MED19: variants seen among roughly 807,000 people sequenced by gnomAD.
MED19 encodes the protein mediator complex subunit 19, also known as mediator of RNA polymerase II transcription subunit 19.
Under a neutral mutation model 19.9 loss-of-function variants are expected in MED19, and 4 were observed. That is an observed-to-expected ratio of 0.20 (90% CI 0.10 to 0.46). The LOEUF is 0.46. MED19 is among the 20% of genes least tolerant of loss of function. The pLI, the probability that MED19 is intolerant of heterozygous loss-of-function variation, is 0.99. For synonymous variants in MED19, 139 were observed against 119.6 expected, an observed-to-expected ratio of 1.16 and a Z score of -1.06; for missense variants, 303 against 318.7, an observed-to-expected ratio of 0.95 and a Z score of 0.38.
intron 1 of MED19, among the ~76,000 whole-genome samples, chr11:57,711,214 G>C (rs1187687635): frequency 2.6e-5 from 4 of 151,952 alleles, no homozygotes; most frequent in African/African-American, 9.7e-5. Flanking sequence ...TCCCTTTTTT[G>C]ATCAGACCAG....
chr11:57,704,686 T>TC, intron 3 of MED19, 33 bp downstream of exon 3: 1 of 1,572,108 alleles, frequency 6.4e-7, no homozygotes, highest in Non-Finnish European at 8.6e-7. Flanking sequence ...TTTTTTTTTT[T>TC]TTTTTTTTGC....
intron 1 of MED19, among the ~76,000 whole-genome samples, chr11:57,709,510 G>A (rs554077527): frequency 6.6e-6 from 1 of 151,936 alleles, no homozygotes; most frequent in Admixed American, 6.6e-5. Context: ...TATTCAAGCC[G>A]AAAACTTAAA....
chr11:57,704,765 ATTC>A (rs759855539), exon 3 of MED19: 29 of 1,557,570 alleles, frequency 1.9e-5, no homozygotes, highest in African/African-American at 9.3e-5. Context: ...GCTTGTGCTT[ATTC>A]TTCTTCTTGG....
chr11:57,704,489 G>A, intron 3 of MED19, 93 bp from the exon 4 acceptor site: 1 of 1,562,654 alleles, frequency 6.4e-7, no homozygotes, highest in Non-Finnish European at 8.6e-7. Context: ...CCAAGTCGGG[G>A]CAACTGCTTT....
chr11:57,711,997 G>A, exon 1 of MED19: 2 of 1,513,972 alleles, frequency 1.3e-6, no homozygotes, highest in Non-Finnish European at 1.8e-6. Flanking sequence ...AAGGGCCACA[G>A]CCAGCTCCTG....
intron 1 of MED19, among the ~76,000 whole-genome samples, chr11:57,707,818 C>A (rs979025286): frequency 1.3e-5 from 2 of 152,074 alleles, no homozygotes; most frequent in Non-Finnish European, 2.9e-5. Context: ...TTTGACTATT[C>A]TACAAAGATT....
At chr11:57,709,426 A>G (rs1020801268) in intron 1 of MED19, among the ~76,000 whole-genome samples, 3 of 152,078 alleles carry the variant, frequency 2.0e-5, no homozygotes, top group African/African-American at 7.2e-5. Flanking sequence ...ACATGTCCAA[A>G]ATAACTCTTG....
At chr11:57,704,235 G>C in intron 4 of MED19, 67 bp downstream of exon 4, 1 of 1,527,836 alleles carries the variant, frequency 6.5e-7, no homozygotes, top group South Asian at 1.2e-5. Context: ...AAGAACTCTA[G>C]GGTATTTAGG....
At chr11:57,705,137 TCTC>T in exon 2 of MED19, 3 of 1,614,130 alleles carry the variant, frequency 1.9e-6, no homozygotes, top group Non-Finnish European at 2.5e-6. Flanking sequence ...TTACTTAGCT[TCTC>T]CTTCACCTTC....
At chr11:57,707,422 G>A (rs1946521914) in intron 1 of MED19, among the ~76,000 whole-genome samples, 1 of 152,146 alleles carries the variant, frequency 6.6e-6, no homozygotes, top group Non-Finnish European at 1.5e-5. Flanking sequence ...GAAAACTGAG[G>A]TACTGAACTG....
At chr11:57,707,985 G>A (rs780583408) in intron 1 of MED19, among the ~76,000 whole-genome samples, 1 of 151,686 alleles carries the variant, frequency 6.6e-6, no homozygotes, top group African/African-American at 2.4e-5. Flanking sequence ...TGCATACACT[G>A]CCATGCTAGG....
At chr11:57,710,401 A>C (rs989095723) in intron 1 of MED19, among the ~76,000 whole-genome samples, 3 of 152,204 alleles carry the variant, frequency 2.0e-5, no homozygotes, top group African/African-American at 7.2e-5. Context: ...TTGTATTTAC[A>C]ATCTAAATGC....
chr11:57,707,236 A>G (rs1946519612), intron 1 of MED19, among the ~76,000 whole-genome samples: 1 of 152,038 alleles, frequency 6.6e-6, no homozygotes, highest in Non-Finnish European at 1.5e-5. Flanking sequence ...TATGCAAGGC[A>G]CTATCCATAT....
At chr11:57,706,268 C>G (rs983021830) in intron 1 of MED19, among the ~76,000 whole-genome samples, 3 of 152,176 alleles carry the variant, frequency 2.0e-5, no homozygotes, top group Admixed American at 2.0e-4. Flanking sequence ...CCACCTCAGC[C>G]TCCCAAGTAG....
At chr11:57,709,264 C>T (rs1049535164) in intron 1 of MED19, among the ~76,000 whole-genome samples, 9 of 151,606 alleles carry the variant, frequency 5.9e-5, no homozygotes, top group South Asian at 2.1e-4. Flanking sequence ...GCCTGTAATC[C>T]GAACTACTCG....
intron 1 of MED19, among the ~76,000 whole-genome samples, chr11:57,708,414 T>C (rs1946531292): frequency 6.6e-6 from 1 of 152,168 alleles, no homozygotes; most frequent in Non-Finnish European, 1.5e-5. Context: ...TGGATCTCCT[T>C]ATCGCCTCAA....
chr11:57,707,733 G>A (rs1268524469), intron 1 of MED19, among the ~76,000 whole-genome samples: 1 of 152,180 alleles, frequency 6.6e-6, no homozygotes, highest in Non-Finnish European at 1.5e-5. Flanking sequence ...CTGTCCAGAT[G>A]GTTATCCTTA....
rs773467047 is a variant in MED19, at chr11:57,704,631, T to G, written c.571+88A>C. On this transcript the variant is annotated intron_variant, in intron 3 of 4. Transcript: ENST00000431606. The stretch of plus-strand genomic sequence containing the variant: ...GAGCTCCATACGGAACTTAACTGGG[T>G]TTACCTATGGAAGTTCAAACCAGAT... The G allele has an allele frequency of 2.5e-6, 4 of 1,608,624 alleles. No individual in the cohort carries two copies. The Admixed American group carries it at 6.8e-5, about 27-fold the overall frequency.
chr11:57,704,669 G>GTTTTTTTTTTTTTTTTT (rs34198151), intron 3 of MED19, 50 bp downstream of exon 3: 37 of 1,287,730 alleles, frequency 2.9e-5, no homozygotes, highest in Admixed American at 8.4e-5. Context: ...AGAAGGTCAG[G>GTTTTTTTTTTTTTTTTT]TTTTTTTTTT....
Sources: gnomAD v4.1 joint callset for allele counts (sites outside exome capture counted in the v4.1 genomes callset) on GRCh38, gnomAD v4.1.1 for gene constraint, MANE v1.5 for transcripts, NCBI Gene and HGNC (gene_info 2026-07-23, HGNC 2026-07-21) for gene names.